The following NUP37 variants were observed in gnomAD, a reference collection of about 807,000 sequenced individuals.
The protein encoded by NUP37 is nucleoporin Nup37.
A neutral mutation model predicts 45.4 loss-of-function variants in NUP37; 33 were observed. The observed-to-expected ratio is 0.73, with a 90% CI of 0.55 to 0.97. The LOEUF (loss-of-function observed/expected upper bound fraction) is 0.97. Ranked by LOEUF, NUP37 falls within the 50% of genes least tolerant of loss-of-function variation. The pLI is 0.00. For missense variants in NUP37, 365 were observed against 389.7 expected, an observed-to-expected ratio of 0.94 and a Z score of 0.53; for synonymous variants, 127 against 130.7, an observed-to-expected ratio of 0.97 and a Z score of 0.19.
In NUP37 at chr12:102,118,536, A is replaced by G; in HGVS notation, c.-18T>C. On this transcript the variant is annotated 5_prime_UTR_variant, in exon 2 of 10. Transcript: ENST00000552283. ...TGCTTCATCTTGTATGTCAAAATTC[A>G]AGCAGTTGTGAAAATTAAATAGCCT... is the stretch of plus-strand genomic sequence containing the variant. 1.2e-6 allele frequency: 2 copies of G among 1,602,902 alleles called. No individual in the cohort carries two copies. Among genetic ancestry groups the G allele is most frequent in the South Asian group, 1.1e-5 (1 of 88,866 alleles).
intron 6 of NUP37, among the ~76,000 whole-genome samples, chr12:102,079,960 T>A (rs1879286167): frequency 1.3e-5 from 2 of 152,208 alleles, no homozygotes; most frequent in South Asian, 4.1e-4. Flanking sequence ...TGAGCATTGA[T>A]TTTGGGGTTA....
intron 7 of NUP37, 92 bp from the exon 8 acceptor site, chr12:102,076,939 G>C: frequency 2.3e-6 from 2 of 855,292 alleles, no homozygotes; most frequent in Admixed American, 2.1e-5. Flanking sequence ...TTATAGGACA[G>C]AATGTCCAAT....
At chr12:102,083,452 A>C (rs912003862) in intron 6 of NUP37, among the ~76,000 whole-genome samples, 1 of 152,240 alleles carries the variant, frequency 6.6e-6, no homozygotes, top group African/African-American at 2.4e-5. Context: ...GGTTCAGAGC[A>C]CACACTTAGA....
chr12:102,086,899 T>G lies in NUP37; in HGVS notation c.450-1043A>C, dbSNP rs58927483. On this transcript the variant is annotated intron_variant, in intron 5 of 9. Transcript: ENST00000552283. ...AGGAGTTCAAGACCAGCCTGGCAAA[T>G]ACAGTGAAACTTCGTCTCTACAAAA... 3.2e-3 allele frequency among the ~76,000 whole-genome samples: 485 copies of G among 152,160 alleles called. 1 individual carries two copies. Among genetic ancestry groups the G allele is most frequent in the African/African-American group, 0.011 (452 of 41,496 alleles).
intron 6 of NUP37, among the ~76,000 whole-genome samples, chr12:102,083,557 T>C (rs1245396932): frequency 1.3e-5 from 2 of 152,224 alleles, no homozygotes; most frequent in African/African-American, 4.8e-5. Flanking sequence ...TTTTTGATTC[T>C]AAAACTTATT....
intron 6 of NUP37, among the ~76,000 whole-genome samples, chr12:102,084,624 G>T (rs1879418092): frequency 6.6e-6 from 1 of 151,974 alleles, no homozygotes; most frequent in Non-Finnish European, 1.5e-5. Context: ...AATGAAACTT[G>T]GGGCCATGCT....
At chr12:102,097,179 C>T (rs1041718684) in intron 5 of NUP37, among the ~76,000 whole-genome samples, 2 of 151,986 alleles carry the variant, frequency 1.3e-5, no homozygotes, top group Admixed American at 1.3e-4. Context: ...CTGTGTCACA[C>T]CTGTTAATGC....
chr12:102,115,306 T>C (rs1451752644), intron 2 of NUP37, among the ~76,000 whole-genome samples: 1 of 152,216 alleles, frequency 6.6e-6, no homozygotes, highest in Non-Finnish European at 1.5e-5. Context: ...ACACAGGACC[T>C]TATGAAGCAC....
intron 6 of NUP37, among the ~76,000 whole-genome samples, chr12:102,081,442 C>T (rs1403258113): frequency 2.0e-5 from 3 of 152,156 alleles, no homozygotes; most frequent in African/African-American, 7.2e-5. Flanking sequence ...CAATACTATG[C>T]ACTGTGAATT....
At chr12:102,084,326 G>C (rs1773527060) in intron 6 of NUP37, among the ~76,000 whole-genome samples, 1 of 152,122 alleles carries the variant, frequency 6.6e-6, no homozygotes, top group African/African-American at 2.4e-5. Context: ...ATGCAAACTT[G>C]AGGACAGAAC....
intron 2 of NUP37, among the ~76,000 whole-genome samples, chr12:102,116,374 T>G (rs1207450793): frequency 6.6e-6 from 1 of 152,236 alleles, no homozygotes; most frequent in Non-Finnish European, 1.5e-5. Context: ...TTTACTCTTT[T>G]GTACATTGGT....
At chr12:102,116,349 C>A (rs561925242) in intron 2 of NUP37, among the ~76,000 whole-genome samples, 73 of 152,252 alleles carry the variant, frequency 4.8e-4, no homozygotes, top group African/African-American at 1.5e-3. Context: ...ATTAGTTTTA[C>A]CTGTAGGAGG....
intron 1 of NUP37, chr12:102,119,235 C>G (rs886756269): frequency 6.6e-6 from 1 of 151,992 alleles, no homozygotes; most frequent in Non-Finnish European, 1.5e-5. Context: ...TAAGGAGTAC[C>G]AAAATGTGTG....
intron 5 of NUP37, among the ~76,000 whole-genome samples, chr12:102,089,962 TAC>T (rs369657917): frequency 6.6e-6 from 1 of 151,892 alleles, no homozygotes; most frequent in South Asian, 2.1e-4. Flanking sequence ...TACGATCACA[TAC>T]ACACACACAC....
At chr12:102,077,543 C>T in intron 6 of NUP37, 40 bp from the exon 7 acceptor site, 1 of 1,557,526 alleles carries the variant, frequency 6.4e-7, no homozygotes, top group Non-Finnish European at 8.7e-7. Context: ...AATCACTTAT[C>T]TCACTAACTA....
intron 1 of NUP37, 46 bp from the exon 2 acceptor site, chr12:102,118,629 T>A: frequency 6.5e-6 from 6 of 927,702 alleles, no homozygotes; most frequent in Non-Finnish European, 3.2e-6. Flanking sequence ...AATATGTTAG[T>A]CATTCAGCAA....
chr12:102,074,974 G>T, intron 9 of NUP37, 27 bp downstream of exon 9: 4 of 1,320,238 alleles, frequency 3.0e-6, no homozygotes, highest in Non-Finnish European at 4.2e-6. Flanking sequence ...AAAAAAGCAC[G>T]TATGTTACAA....
At chr12:102,115,552 T>C (rs961164982) in intron 2 of NUP37, among the ~76,000 whole-genome samples, 4 of 152,224 alleles carry the variant, frequency 2.6e-5, no homozygotes, top group African/African-American at 9.6e-5. Flanking sequence ...TCCTTAAGGA[T>C]ATGGTCCTTG....
chr12:102,093,134 T>C (rs957316268), intron 5 of NUP37, among the ~76,000 whole-genome samples: 3 of 151,900 alleles, frequency 2.0e-5, no homozygotes, highest in East Asian at 3.8e-4. Flanking sequence ...AAAATCAGAG[T>C]TGATAATAAA....
Sources: gnomAD v4.1 joint callset for allele counts (sites outside exome capture counted in the v4.1 genomes callset) on GRCh38, gnomAD v4.1.1 for gene constraint, MANE v1.5 for transcripts, NCBI Gene and HGNC (gene_info 2026-07-23, HGNC 2026-07-21) for gene names.